Variants in KCNA1 observed in about 807,000 individuals in gnomAD.
KCNA1 encodes potassium channel, voltage gated shaker related subfamily A, member 1.
KCNA1 carries 19 observed loss-of-function variants against 28.8 expected under a neutral mutation model. The ratio of observed to expected loss-of-function variants is 0.66; its 90% CI spans 0.46 to 0.97. The LOEUF is 0.97. Ranked by LOEUF, KCNA1 falls within the 50% of genes least tolerant of loss-of-function variation. The pLI is 0.00. For synonymous variants in KCNA1, 311 were observed against 268.8 expected, an observed-to-expected ratio of 1.16 and a Z score of -1.53; for missense variants, 419 against 659.7, an observed-to-expected ratio of 0.64 and a Z score of 4.00.
In KCNA1 at chr12:4,911,266, G is replaced by A; in HGVS notation, c.-113G>A. 1 of 764,338 alleles carries A rather than the reference G, an allele frequency of 1.3e-6. No individual in the cohort carries two copies. Among genetic ancestry groups the A allele is most frequent in the Non-Finnish European group, 2.1e-6 (1 of 468,824 alleles). The allele number at this position is 764,338 out of a possible 1,614,324, so 47.3% of individuals were successfully genotyped here. On this transcript the variant is annotated 5_prime_UTR_variant, in exon 2 of 2. Coordinates refer to ENST00000382545, the MANE Select transcript of KCNA1 (RefSeq NM_000217.3). This position sits in a 1 kb window ranked among gnomAD's most constrained non-coding sequence, Gnocchi z 6.6. ...TGAAGCACCTCCCCCTGGGCGTGAG[G>A]GAGACGCGCGCTCCGGTGGGGGGGC...
chr12:4,910,849 A>C lies in KCNA1; in HGVS notation c.-530A>C, dbSNP rs1947345310. 5.8e-6 allele frequency: 1 copy of C among 173,702 alleles called. No individual in the cohort carries two copies. The highest frequency in any genetic ancestry group is 5.7e-5 in the Admixed American group (1 of 17,592). The allele number at this position is 173,702 out of a possible 1,614,324, so 10.8% of individuals were successfully genotyped here. ...TTCTATTTCTCTGCAGCGTGCATCG[A>C]TCGCCCTGGTGGGAGCTTAGAAGGC... On this transcript the variant is annotated 5_prime_UTR_variant, in exon 2 of 2. Transcript: ENST00000382545. This position sits in a 1 kb window ranked among gnomAD's most constrained non-coding sequence, Gnocchi z 4.9.
Position 4,911,366 on chromosome 12 carries a change from C to A in KCNA1, c.-13C>A, listed in dbSNP as rs201149627. 232 of 1,610,796 alleles carry A rather than the reference C, an allele frequency of 1.4e-4. No individual in the cohort carries two copies. In the African/African-American group the frequency reaches 2.6e-3, roughly 18 times the overall value. ...TCTCTCCTGGCCTCCCACCCCCGCG[C>A]CCGGCTTCCACCATGACGGTGATGT... On this transcript the variant is annotated 5_prime_UTR_variant, in exon 2 of 2. Coordinates refer to ENST00000382545, the MANE Select transcript of KCNA1 (RefSeq NM_000217.3). This position sits in a 1 kb window ranked among gnomAD's most constrained non-coding sequence, Gnocchi z 6.6.
In KCNA1 at chr12:4,917,759, C is replaced by T; in HGVS notation, c.*4893C>T. On this transcript the variant is annotated 3_prime_UTR_variant, in exon 2 of 2. Transcript: ENST00000382545. Reference sequence around the variant, plus strand: ...TGTATGGAAAGAAAACAAAACAAAACAAGAAATCTCTTGTAAAATATTCCA... The same window carrying T: ...TGTATGGAAAGAAAACAAAACAAAATAAGAAATCTCTTGTAAAATATTCCA... 1.2e-5 allele frequency: 2 copies of T among 167,110 alleles called. No homozygotes were observed. The allele number at this position is 167,110 out of a possible 1,614,324, so 10.4% of individuals were successfully genotyped here. A position where few individuals can be genotyped will look rare whatever the true frequency, so the allele number is the denominator to read the frequency against.
chr12:4,911,262 TGA>T lies in KCNA1; in HGVS notation c.-115_-114del. 1 of 738,304 alleles carries T rather than the reference TGA, an allele frequency of 1.4e-6. No homozygotes were observed. Among genetic ancestry groups the T allele is most frequent in the Non-Finnish European group, 2.2e-6 (1 of 447,086 alleles). 45.7% of individuals were successfully genotyped at this position (738,304 alleles called of 1,614,324 possible). ...GTGTTGAAGCACCTCCCCCTGGGCG[TGA>T]GGGAGACGCGCGCTCCGGTGGGGGG... On this transcript the variant is annotated 5_prime_UTR_variant, in exon 2 of 2. Coordinates refer to ENST00000382545, the MANE Select transcript of KCNA1 (RefSeq NM_000217.3). This position sits in a 1 kb window ranked among gnomAD's most constrained non-coding sequence, Gnocchi z 6.6.
At position 4,910,305 on chromosome 12, in the gene KCNA1, G is replaced by A. The variant is rs1295923272; in HGVS notation, c.-707G>A. On this transcript the variant is annotated 5_prime_UTR_variant, in exon 1 of 2. Coordinates refer to ENST00000382545, the MANE Select transcript of KCNA1 (RefSeq NM_000217.3). The surrounding 1 kb of genome is among the most constrained non-coding windows in gnomAD (Gnocchi z 4.9). ...CCGTAAAGCGATTGTCCAACTGAGAGGGGCGTCGGACGAGTGGACCAGGGC... is the reference window on the plus strand; with the variant it reads ...CCGTAAAGCGATTGTCCAACTGAGAAGGGCGTCGGACGAGTGGACCAGGGC... The A allele has an allele frequency of 6.6e-6, 1 of 152,292 alleles. No homozygotes were observed. Among genetic ancestry groups the A allele is most frequent in the Non-Finnish European group, 1.5e-5 (1 of 68,106 alleles). 9.4% of individuals were successfully genotyped at this position (152,292 alleles called of 1,614,324 possible). A position where few individuals can be genotyped will look rare whatever the true frequency, so the allele number is the denominator to read the frequency against.
chr12:4,913,073 C>T lies in KCNA1; in HGVS notation c.*207C>T. On this transcript the variant is annotated 3_prime_UTR_variant, in exon 2 of 2. Coordinates refer to ENST00000382545, the MANE Select transcript of KCNA1 (RefSeq NM_000217.3). ...CTTTCAAGATCCATGACAAAATAAA[C>T]TATTTTCCTTTTATTAAAAAATGGG... The T allele has an allele frequency of 6.7e-6, 4 of 601,496 alleles. 1 individual carries two copies. Among genetic ancestry groups the T allele is most frequent in the South Asian group, 4.1e-5 (2 of 48,550 alleles). 37.3% of individuals were successfully genotyped at this position (601,496 alleles called of 1,614,324 possible). A position where few individuals can be genotyped will look rare whatever the true frequency, so the allele number is the denominator to read the frequency against.
rs1947357657 is a variant in KCNA1 at position 4,912,366 on chromosome 12, A to G, written c.988A>G (p.Ile330Val). 2.5e-6 allele frequency: 4 copies of G among 1,613,982 alleles called. No homozygotes were observed. Among genetic ancestry groups the G allele is most frequent in the Non-Finnish European group, 3.4e-6 (4 of 1,179,994 alleles). ...KASMRELGLLIFFLFIGVILF... is the reference protein window; with the variant it reads ...KASMRELGLLVFFLFIGVILF... ...TAGTATGAGAGAGCTAGGGCTGCTCATCTTTTTCCTCTTCATCGGGGTCAT... is the reference window on the plus strand; with the variant it reads ...TAGTATGAGAGAGCTAGGGCTGCTCGTCTTTTTCCTCTTCATCGGGGTCAT... The change falls in exon 2 of 2, where the codon ATC (isoleucine) becomes GTC (valine). Residue 330 changes from isoleucine to valine, a missense_variant. Ile to Val is a conservative substitution (Grantham distance 29). Around this residue, in one of 4 missense-constraint regions of KCNA1, gnomAD observed 54 missense variants for 186.4 expected, o/e 0.29. Transcript: ENST00000382545.
chr12:4,911,967 G>A lies in KCNA1; in HGVS notation c.589G>A (p.Asp197Asn). 1 of 1,614,068 alleles carries A rather than the reference G, an allele frequency of 6.2e-7. No individual in the cohort carries two copies. The highest frequency in any genetic ancestry group is 8.5e-7 in the Non-Finnish European group (1 of 1,180,024). Reference sequence around the variant, plus strand: ...GCTCCCCGAGCTGAAGGATGACAAGGACTTCACGGGCACCGTCCACCGCAT... The same window carrying A: ...GCTCCCCGAGCTGAAGGATGACAAGAACTTCACGGGCACCGTCCACCGCAT... ...ETLPELKDDK[D>N]FTGTVHRIDN... Residue 197 changes from aspartate to asparagine, a missense_variant, in exon 2 of 2, where the codon GAC (aspartate) becomes AAC (asparagine). Coordinates refer to ENST00000382545, the MANE Select transcript of KCNA1 (RefSeq NM_000217.3). The surrounding 1 kb of genome is among the most constrained non-coding windows in gnomAD (Gnocchi z 6.6).
At position 4,912,464 on chromosome 12, in the gene KCNA1, T is replaced by C. The variant is rs1264032724; in HGVS notation, c.1086T>C (p.Ala362=). The change falls in exon 2 of 2, where the codon GCT becomes GCC. Residue 362 remains alanine, a synonymous_variant. Transcript: ENST00000382545. ...AESHFSSIPD[A]FWWAVVSMTT... The stretch of plus-strand genomic sequence containing the variant: ...CGCACTTCTCCAGTATCCCCGATGC[T>C]TTCTGGTGGGCGGTGGTGTCCATGA... 55 of 1,613,676 alleles carry C rather than the reference T, an allele frequency of 3.4e-5. No individual in the cohort carries two copies. Among genetic ancestry groups the C allele is most frequent in the Non-Finnish European group, 4.6e-5 (54 of 1,179,940 alleles).
In KCNA1 at chr12:4,913,873, T is replaced by C. The variant is rs1221589506; in HGVS notation, c.*1007T>C. ...TTCACCAAAAGTGCACTCCTCCATT[T>C]ATTAACTATTTTATTAGTAAATAAA... is the stretch of plus-strand genomic sequence containing the variant. On this transcript the variant is annotated 3_prime_UTR_variant, in exon 2 of 2. Coordinates refer to ENST00000382545, the MANE Select transcript of KCNA1 (RefSeq NM_000217.3). 1 of 167,016 alleles carries C rather than the reference T, an allele frequency of 6.0e-6. No individual in the cohort carries two copies. The highest frequency in any genetic ancestry group is 1.5e-5 in the Non-Finnish European group (1 of 68,124). The allele number at this position is 167,016 out of a possible 1,614,324, so 10.3% of individuals were successfully genotyped here.
Position 4,911,231 on chromosome 12 carries a change from C to T in KCNA1, c.-148C>T. On this transcript the variant is annotated 5_prime_UTR_variant, in exon 2 of 2. Coordinates refer to ENST00000382545, the MANE Select transcript of KCNA1 (RefSeq NM_000217.3). This position sits in a 1 kb window ranked among gnomAD's most constrained non-coding sequence, Gnocchi z 6.6. ...GAGGCAAAGTCGCAGATCTCCCGAC[C>T]TGCTCGTGTTGAAGCACCTCCCCCT... is the stretch of plus-strand genomic sequence containing the variant. 1 of 630,834 alleles carries T rather than the reference C, an allele frequency of 1.6e-6. No homozygotes were observed. Among genetic ancestry groups the T allele is most frequent in the Non-Finnish European group, 2.8e-6 (1 of 361,844 alleles). 39.1% of individuals were successfully genotyped at this position (630,834 alleles called of 1,614,324 possible).
At position 4,912,923 on chromosome 12, in the gene KCNA1, A is replaced by T; in HGVS notation, c.*57A>T. 3 of 1,215,608 alleles carry T rather than the reference A, an allele frequency of 2.5e-6. No individual in the cohort carries two copies. Among genetic ancestry groups the T allele is most frequent in the Non-Finnish European group, 3.7e-6 (3 of 817,640 alleles). The allele number at this position is 1,215,608 out of a possible 1,614,324, so 75.3% of individuals were successfully genotyped here. ...CTTAGCAGCTCAAAAGACTTAAAAAACAAAACAGAAAACCTAGTGACTCAT... is the reference window on the plus strand; with the variant it reads ...CTTAGCAGCTCAAAAGACTTAAAAATCAAAACAGAAAACCTAGTGACTCAT... On this transcript the variant is annotated 3_prime_UTR_variant, in exon 2 of 2. Transcript: ENST00000382545.
chr12:4,911,633 C>T lies in KCNA1; in HGVS notation c.255C>T (p.Asn85=), dbSNP rs749426849. Residue 85 remains asparagine, a synonymous_variant, in exon 2 of 2, where the codon AAC becomes AAT. Transcript: ENST00000382545. The surrounding 1 kb of genome is among the most constrained non-coding windows in gnomAD (Gnocchi z 6.6). ...GGAACGAGTACTTCTTCGACCGCAA[C>T]CGGCCCAGCTTCGACGCCATCCTCT... ...PLRNEYFFDR[N]RPSFDAILYY... The T allele has an allele frequency of 7.4e-6, 12 of 1,614,084 alleles. No individual in the cohort carries two copies. In the African/African-American group the frequency reaches 8.0e-5, roughly 11 times the overall value.
chr12:4,913,001 G>A lies in KCNA1; in HGVS notation c.*135G>A. The stretch of plus-strand genomic sequence containing the variant: ...TAGACTTGGAATGCTCTATTTAACT[G>A]TCAATGCGTTGTTGCATTGAGGATT... On this transcript the variant is annotated 3_prime_UTR_variant, in exon 2 of 2. Transcript: ENST00000382545. 1 of 731,260 alleles carries A rather than the reference G, an allele frequency of 1.4e-6. No homozygotes were observed. Among genetic ancestry groups the A allele is most frequent in the East Asian group, 2.6e-5 (1 of 38,418 alleles). 45.3% of individuals were successfully genotyped at this position (731,260 alleles called of 1,614,324 possible).
rs1199873422 is a variant in KCNA1, at chr12:4,911,048, A to G, written c.-331A>G. On this transcript the variant is annotated 5_prime_UTR_variant, in exon 2 of 2. It removes the in-frame stop codon of an upstream open reading frame in the 5' UTR. Transcript: ENST00000382545. The surrounding 1 kb of genome is among the most constrained non-coding windows in gnomAD (Gnocchi z 6.6). ...CAGTCCGCTAGAACGGCACTGCGTT[A>G]AGGCACCTGGGATCAGGAAGAAATA... 6 of 400,028 alleles carry G rather than the reference A, an allele frequency of 1.5e-5. No individual in the cohort carries two copies. The highest frequency in any genetic ancestry group is 2.8e-5 in the Non-Finnish European group (6 of 215,672). 24.8% of individuals were successfully genotyped at this position (400,028 alleles called of 1,614,324 possible).
Position 4,911,007 on chromosome 12 carries a change from C to T in KCNA1, c.-372C>T, listed in dbSNP as rs1947346822. 1.1e-5 allele frequency: 3 copies of T among 273,226 alleles called. No individual in the cohort carries two copies. In the South Asian group the frequency reaches 1.4e-4, roughly 13 times the overall value. 16.9% of individuals were successfully genotyped at this position (273,226 alleles called of 1,614,324 possible). The stretch of plus-strand genomic sequence containing the variant: ...GGAGGGGAGGGGAGGCCAGGGCGAC[C>T]CCCGAAGCAATGGCCCAGTCCGCTA... On this transcript the variant is annotated 5_prime_UTR_variant, in exon 2 of 2. Transcript: ENST00000382545. The surrounding 1 kb of genome is among the most constrained non-coding windows in gnomAD (Gnocchi z 6.6).
At position 4,910,894 on chromosome 12, in the gene KCNA1, GA is replaced by G. The variant is rs1352454398; in HGVS notation, c.-484del. ...GAAGGCGGCAGGCGAAGAGGGGTAG[GA>G]GGGGGGAGAGCCGAGGAGAAGCAGA... On this transcript the variant is annotated 5_prime_UTR_variant, in exon 2 of 2. Coordinates refer to ENST00000382545, the MANE Select transcript of KCNA1 (RefSeq NM_000217.3). The surrounding 1 kb of genome is among the most constrained non-coding windows in gnomAD (Gnocchi z 4.9). 1.1e-5 allele frequency: 2 copies of G among 187,172 alleles called. No homozygotes were observed. The allele number at this position is 187,172 out of a possible 1,614,324, so 11.6% of individuals were successfully genotyped here.
rs1947351177 is a variant in KCNA1 at position 4,911,476 on chromosome 12, A to G, written c.98A>G (p.His33Arg). 6.2e-7 allele frequency: 1 copy of G among 1,614,032 alleles called. No homozygotes were observed. The highest frequency in any genetic ancestry group is 8.5e-7 in the Non-Finnish European group (1 of 1,180,008). Residue 33 changes from histidine (H) to arginine (R), a missense_variant, in exon 2 of 2, where the codon CAC becomes CGC. His to Arg is a conservative substitution (Grantham distance 29). This residue lies in a region of KCNA1 where 67 missense variants were observed against 57.2 expected (regional missense o/e 1.17). Coordinates refer to ENST00000382545, the MANE Select transcript of KCNA1 (RefSeq NM_000217.3). The surrounding 1 kb of genome is among the most constrained non-coding windows in gnomAD (Gnocchi z 6.6). ...CCCCGGCAGGCCGACCACGACGACC[A>G]CGAGTGCTGCGAGCGCGTGGTGATC... Reference protein sequence around the residue: ...SYPRQADHDDHECCERVVINI... With the variant: ...SYPRQADHDDRECCERVVINI...
At position 4,912,156 on chromosome 12, in the gene KCNA1, G is replaced by C. The variant is rs1196348315; in HGVS notation, c.778G>C (p.Val260Leu). The change falls in exon 2 of 2, where the codon GTG becomes CTG. Residue 260 changes from valine (V) to leucine (L), a missense_variant. Physicochemically the swap from Val to Leu is conservative, Grantham distance 32 (BLOSUM62 1). Around this residue, in one of 4 missense-constraint regions of KCNA1, gnomAD observed 217 missense variants for 329.6 expected, o/e 0.66. Transcript: ENST00000382545. ...FKNIMNFIDI[V>L]AIIPYFITLG... ...AAACATCATGAACTTCATAGACATT[G>C]TGGCCATCATTCCTTATTTCATCAC... 6.2e-7 allele frequency: 1 copy of C among 1,613,768 alleles called. No individual in the cohort carries two copies.
Sources: gnomAD v4.1 joint callset for allele counts on GRCh38, gnomAD v4.1.1 for gene constraint, gnomAD v4.1.1 regional missense constraint, Gnocchi (gnomAD v3.1) non-coding constraint, MANE v1.5 for transcripts, NCBI Gene and HGNC (gene_info 2026-07-23, HGNC 2026-07-21) for gene names.